The following NRG3 variants were observed in gnomAD, a reference collection of about 807,000 sequenced individuals.
The protein encoded by NRG3 is neuregulin 3.
A neutral mutation model predicts 66.9 loss-of-function variants in NRG3; 31 were observed. The ratio of observed to expected loss-of-function variants is 0.46; its 90% confidence interval spans 0.35 to 0.63. NRG3 has a LOEUF of 0.63. Among genes scored for constraint, NRG3 ranks in the 20% least tolerant of loss-of-function variants. NRG3 has a pLI of 0.00. For missense variants in NRG3, 910 were observed against 878.9 expected (o/e 1.04, Z -0.45); for synonymous variants, 393 against 359.4 (o/e 1.09, Z -1.06).
intron 2 of NRG3, among the ~76,000 whole-genome samples, chr10:82,716,678 G>A (rs971827443): frequency 6.6e-6 from 1 of 152,160 alleles, no homozygotes; most frequent in Non-Finnish European, 1.5e-5. Flanking sequence ...TTGAGGAAAG[G>A]TGTTAGGAAG....
At chr10:82,227,147 C>A (rs2076206086) in intron 1 of NRG3, among the ~76,000 whole-genome samples, 1 of 152,104 alleles carries the variant, frequency 6.6e-6, no homozygotes, top group African/African-American at 2.4e-5. Flanking sequence ...TTCCTCATTT[C>A]CACCCACTGC....
chr10:82,521,726 C>T (rs989346350), intron 2 of NRG3, among the ~76,000 whole-genome samples: 3 of 152,142 alleles, frequency 2.0e-5, no homozygotes, highest in Admixed American at 1.3e-4. Flanking sequence ...TAGCATGTGA[C>T]GCCCTTTCGT....
rs567495487 is a variant in NRG3 at position 82,517,434 on chromosome 10, C to T, written c.953+158566C>T. On this transcript the variant is annotated intron_variant, in intron 2 of 8. Transcript: ENST00000372141. Reference sequence around the variant, plus strand: ...GTAAGTATTCAGTTTGAACACTGTCCAAAGGATGTTGCCTTACTTAAATAT... The same window carrying T: ...GTAAGTATTCAGTTTGAACACTGTCTAAAGGATGTTGCCTTACTTAAATAT... Among the ~76,000 whole-genome samples the T allele has an allele frequency of 3.9e-5, 6 of 152,196 alleles. No individual in the cohort carries two copies. In the South Asian group the frequency reaches 8.3e-4, roughly 21 times the overall value.
chr10:82,479,374 G>T (rs2132127070), intron 2 of NRG3, among the ~76,000 whole-genome samples: 1 of 152,174 alleles, frequency 6.6e-6, no homozygotes, highest in East Asian at 1.9e-4. Flanking sequence ...GGGGAAGAGA[G>T]GATATGCACG....
chr10:82,363,733 A>G (rs1174456152), intron 2 of NRG3, among the ~76,000 whole-genome samples: 4 of 152,206 alleles, frequency 2.6e-5, no homozygotes, highest in Non-Finnish European at 5.9e-5. Context: ...CTGGGATTAC[A>G]GGCGTGAGCC....
intron 1 of NRG3, among the ~76,000 whole-genome samples, chr10:82,130,144 CTT>C (rs938569962): frequency 6.7e-6 from 1 of 149,800 alleles, no homozygotes; most frequent in African/African-American, 2.5e-5. Context: ...ATCATATTTT[CTT>C]TTTTTTTGCT....
intron 2 of NRG3, among the ~76,000 whole-genome samples, chr10:82,579,075 A>G (rs1031624832): frequency 7.9e-5 from 12 of 151,836 alleles, no homozygotes; most frequent in African/African-American, 2.9e-4. Context: ...GTTTCCATTC[A>G]GTCTACTTTA....
intron 1 of NRG3, among the ~76,000 whole-genome samples, chr10:81,925,563 A>G (rs1846685091): frequency 6.6e-6 from 1 of 152,186 alleles, no homozygotes; most frequent in Non-Finnish European, 1.5e-5. Flanking sequence ...AATTGGAATT[A>G]ATTATCCTGG....
intron 2 of NRG3, among the ~76,000 whole-genome samples, chr10:82,618,989 A>G (rs541964235): frequency 3.3e-5 from 5 of 151,784 alleles, no homozygotes; most frequent in African/African-American, 4.8e-5. Context: ...AGGTGTAATC[A>G]TGTATACTTA....
rs116696319 is a variant in NRG3, at chr10:82,232,605, C to G, written c.824-126134C>G. On this transcript the variant is annotated intron_variant, in intron 1 of 8. Coordinates refer to ENST00000372141, the MANE Select transcript of NRG3 (RefSeq NM_001010848.4). ...ACTAATACAGACTTTCATTGTTTTT[C>G]TCTTTTGCTGCATCTATAAATATTA... The G allele has an allele frequency of 3.2e-3, 1,889 of 597,200 alleles. 20 individuals carry two copies. In the African/African-American group the frequency reaches 0.032, roughly 10 times the overall value. 37.0% of individuals were successfully genotyped at this position (597,200 alleles called of 1,614,324 possible).
At chr10:82,024,850 T>C (rs1227725300) in intron 1 of NRG3, among the ~76,000 whole-genome samples, 1 of 152,104 alleles carries the variant, frequency 6.6e-6, no homozygotes. Context: ...CAGTATCTTC[T>C]CAAAGCCTTT....
chr10:82,768,167 G>T (rs1359181446), intron 3 of NRG3, among the ~76,000 whole-genome samples: 9 of 152,108 alleles, frequency 5.9e-5, no homozygotes. Context: ...AGTACGTATT[G>T]TATCTGTCCC....
chr10:82,966,433 G>A (rs1298373037), intron 6 of NRG3, among the ~76,000 whole-genome samples: 1 of 152,214 alleles, frequency 6.6e-6, no homozygotes, highest in African/African-American at 2.4e-5. Context: ...GTTTTCTGTA[G>A]AAATTTTTAA....
At chr10:82,137,285 G>A (rs2069440806) in intron 1 of NRG3, among the ~76,000 whole-genome samples, 2 of 152,182 alleles carry the variant, frequency 1.3e-5, no homozygotes, top group Admixed American at 1.3e-4. Context: ...CCAACTCTCT[G>A]CTCTGAGCCT....
At chr10:82,221,901 G>A (rs914478609) in intron 1 of NRG3, among the ~76,000 whole-genome samples, 4 of 151,758 alleles carry the variant, frequency 2.6e-5, no homozygotes, top group Admixed American at 6.6e-5. Flanking sequence ...ATTCTCCCTC[G>A]GGACGGACAC....
chr10:82,465,389 C>G (rs1319501883), intron 2 of NRG3, among the ~76,000 whole-genome samples: 1 of 152,128 alleles, frequency 6.6e-6, no homozygotes, highest in Admixed American at 6.6e-5. Context: ...GACTTGCTTC[C>G]CCAAGAGCTA....
intron 2 of NRG3, among the ~76,000 whole-genome samples, chr10:82,621,290 G>A (rs924741485): frequency 6.6e-6 from 1 of 152,126 alleles, no homozygotes; most frequent in Non-Finnish European, 1.5e-5. Flanking sequence ...TAATTTGTGG[G>A]CCTGTCTCAT....
intron 2 of NRG3, among the ~76,000 whole-genome samples, chr10:82,446,320 A>G (rs1196102109): frequency 6.6e-6 from 1 of 152,212 alleles, no homozygotes; most frequent in Non-Finnish European, 1.5e-5. Flanking sequence ...ATTCTATTAT[A>G]AAGATACATG....
intron 1 of NRG3, among the ~76,000 whole-genome samples, chr10:82,098,466 C>T (rs1306739057): frequency 6.6e-6 from 1 of 152,118 alleles, no homozygotes; most frequent in African/African-American, 2.4e-5. Context: ...CTTGAGCCCC[C>T]TTGGGGTGGT....
Sources: allele counts gnomAD v4.1 joint callset (sites outside exome capture counted in the v4.1 genomes callset), GRCh38; gene constraint gnomAD v4.1.1; transcripts MANE v1.5; gene names NCBI Gene and HGNC (gene_info 2026-07-23, HGNC 2026-07-21).